PPM1G: variants seen among roughly 807,000 people sequenced by gnomAD.
The protein encoded by PPM1G is protein phosphatase, Mg2+/Mn2+ dependent 1G.
In PPM1G, 12 loss-of-function variants were observed where a neutral mutation model predicts 59.4. The observed-to-expected ratio is 0.20, with a 90% CI of 0.13 to 0.33. The LOEUF is 0.33. Among genes scored for constraint, PPM1G ranks in the 10% least tolerant of loss-of-function variants. The pLI, the probability that PPM1G is intolerant of heterozygous loss-of-function variation, is 1.00. For missense variants in PPM1G, 392 were observed against 681.3 expected (o/e 0.58, Z 4.73); for synonymous variants, 245 against 251.9 (o/e 0.97, Z 0.26).
In PPM1G at chr2:27,385,858, C is replaced by T; in HGVS notation, c.298G>A (p.Ala100Thr). The stretch of plus-strand genomic sequence containing the variant: ...TCAGTGGTCAATTTGGCGTCAATAG[C>T]CAAGAAGGCATCTTCTAAAGCCTGA... Reference protein sequence around the residue: ...LQKALEDAFLAIDAKLTTEEV... With the variant: ...LQKALEDAFLTIDAKLTTEEV... The change falls in exon 4 of 10, where the codon GCT becomes ACT. Residue 100 changes from alanine (A) to threonine (T), a missense_variant. Around this residue, in one of 6 missense-constraint regions of PPM1G, gnomAD observed 68 missense variants for 145.9 expected, o/e 0.47. Transcript: ENST00000344034. The surrounding 1 kb of genome is among the most constrained non-coding windows in gnomAD (Gnocchi z 4.1). 1 of 1,613,690 alleles carries T rather than the reference C, an allele frequency of 6.2e-7. No homozygotes were observed.
At position 27,387,143 on chromosome 2, in the gene PPM1G, T is replaced by TACA. The variant is rs749128166; in HGVS notation, c.133_135dup (p.Cys45dup). 1.2e-6 allele frequency: 2 copies of TACA among 1,613,108 alleles called. No individual in the cohort carries two copies. Among genetic ancestry groups the TACA allele is most frequent in the Non-Finnish European group, 1.7e-6 (2 of 1,179,066 alleles). On this transcript the variant is annotated inframe_insertion, in exon 2 of 10. Transcript: ENST00000344034. ...GCTGTCTCACTGTCCAGCTCAGGAA[T>TACA]ACAGTTGTGAGCATCCTAGGAAAAG...
At position 27,382,326 on chromosome 2, in the gene PPM1G, CA is replaced by C; in HGVS notation, c.1332-99del. On this transcript the variant is annotated intron_variant, in intron 8 of 9. Transcript: ENST00000344034. This position sits in a 1 kb window ranked among gnomAD's most constrained non-coding sequence, Gnocchi z 4.2. The stretch of plus-strand genomic sequence containing the variant: ...TGGCCCAGGCCAGTGTAAATAACTA[CA>C]GAAATTCTCAGCTCTGCCTTAGTCT... The C allele has an allele frequency of 1.9e-6, 3 of 1,550,640 alleles. No homozygotes were observed. Among genetic ancestry groups the C allele is most frequent in the Non-Finnish European group, 2.7e-6 (3 of 1,128,296 alleles).
chr2:27,382,719 G>A lies in PPM1G; in HGVS notation c.1202-114C>T. On this transcript the variant is annotated intron_variant, in intron 7 of 9. Coordinates refer to ENST00000344034, the MANE Select transcript of PPM1G (RefSeq NM_177983.3). This position sits in a 1 kb window ranked among gnomAD's most constrained non-coding sequence, Gnocchi z 4.2. ...TCTTTACAAAGTTCCATAATCTAGT[G>A]GAATGGGGAACTGAGTCCTAAGTCC... The A allele has an allele frequency of 1.5e-6, 2 of 1,355,572 alleles. No individual in the cohort carries two copies. The highest frequency in any genetic ancestry group is 1.4e-5 in the South Asian group (1 of 73,156). 84.0% of individuals were successfully genotyped at this position (1,355,572 alleles called of 1,614,324 possible). A position where few individuals can be genotyped will look rare whatever the true frequency, so the allele number is the denominator to read the frequency against.
chr2:27,392,611 T>TGTG (rs1683942125), intron 1 of PPM1G, among the ~76,000 whole-genome samples: 1 of 102,780 alleles, frequency 9.7e-6, no homozygotes, highest in Admixed American at 1.1e-4. Context: ...ATTTTTTTTT[T>TGTG]GGGGGGGGGG....
In PPM1G at chr2:27,385,215, G is replaced by A. The variant is rs746269595; in HGVS notation, c.410-127C>T. ...ACCTCCCACTCCCAAGGTTCCTCTCGCTCAAGTCTCAGAAGAACATGCCCT... is the reference window on the plus strand; with the variant it reads ...ACCTCCCACTCCCAAGGTTCCTCTCACTCAAGTCTCAGAAGAACATGCCCT... On this transcript the variant is annotated intron_variant, in intron 4 of 9. Coordinates refer to ENST00000344034, the MANE Select transcript of PPM1G (RefSeq NM_177983.3). This position sits in a 1 kb window ranked among gnomAD's most constrained non-coding sequence, Gnocchi z 4.1. 5 of 1,094,598 alleles carry A rather than the reference G, an allele frequency of 4.6e-6. No homozygotes were observed. The highest frequency in any genetic ancestry group is 1.7e-5 in the South Asian group (1 of 59,604). 67.8% of individuals were successfully genotyped at this position (1,094,598 alleles called of 1,614,324 possible).
Position 27,386,078 on chromosome 2 carries a change from T to C in PPM1G, c.276+116A>G, listed in dbSNP as rs1683757783. 4 of 1,256,934 alleles carry C rather than the reference T, an allele frequency of 3.2e-6. No individual in the cohort carries two copies. The East Asian group carries it at 9.3e-5, about 29-fold the overall frequency. The allele number at this position is 1,256,934 out of a possible 1,614,324, so 77.9% of individuals were successfully genotyped here. A position where few individuals can be genotyped will look rare whatever the true frequency, so the allele number is the denominator to read the frequency against. ...TAAGCTCGTTTTAGGAACAGAATTC[T>C]TCAAGAGTAAATAAGCAGCAGCAGC... On this transcript the variant is annotated intron_variant, in intron 3 of 9. Coordinates refer to ENST00000344034, the MANE Select transcript of PPM1G (RefSeq NM_177983.3).
chr2:27,408,264 G>A (rs1054984554), intron 1 of PPM1G, among the ~76,000 whole-genome samples: 10 of 152,144 alleles, frequency 6.6e-5, no homozygotes, highest in Admixed American at 1.3e-4. Flanking sequence ...ACAGTATTTC[G>A]CTGTTACCTG....
chr2:27,405,646 G>A (rs950023497), intron 1 of PPM1G, among the ~76,000 whole-genome samples: 18 of 151,468 alleles, frequency 1.2e-4, no homozygotes, highest in African/African-American at 3.6e-4. Flanking sequence ...TGCCCCCCTC[G>A]GCCTCCCAAA....
rs1663469065 is a variant in PPM1G, at chr2:27,409,588, C to T, written c.-166G>A. 3.4e-6 allele frequency: 3 copies of T among 887,664 alleles called. No homozygotes were observed. Among genetic ancestry groups the T allele is most frequent in the Non-Finnish European group, 4.6e-6 (3 of 658,418 alleles). 55.0% of individuals were successfully genotyped at this position (887,664 alleles called of 1,614,324 possible). On this transcript the variant is annotated 5_prime_UTR_variant, in exon 1 of 10. Coordinates refer to ENST00000344034, the MANE Select transcript of PPM1G (RefSeq NM_177983.3). ...CCAGGAGGCGGTAACGGGACGGGAG[C>T]TGTGAGGGAGCGGAAGCGGAAACGG...
Position 27,384,581 on chromosome 2 carries a change from TAGG to T in PPM1G, c.825+89_825+91del, listed in dbSNP as rs1683716706. ...TGGGTCTTGGGGGATGATGTCAAAATAGGAGAAGGAAAGAGAGTTGAAAACTAC... is the reference window on the plus strand; with the variant it reads ...TGGGTCTTGGGGGATGATGTCAAAATAGAAGGAAAGAGAGTTGAAAACTAC... On this transcript the variant is annotated intron_variant, in intron 5 of 9. Coordinates refer to ENST00000344034, the MANE Select transcript of PPM1G (RefSeq NM_177983.3). This position sits in a 1 kb window ranked among gnomAD's most constrained non-coding sequence, Gnocchi z 4.8. The T allele has an allele frequency of 2.1e-6, 3 of 1,425,588 alleles. No homozygotes were observed. Among genetic ancestry groups the T allele is most frequent in the East Asian group, 4.6e-5 (2 of 43,640 alleles). 88.3% of individuals were successfully genotyped at this position (1,425,588 alleles called of 1,614,324 possible). A position where few individuals can be genotyped will look rare whatever the true frequency, so the allele number is the denominator to read the frequency against.
At chr2:27,393,431 G>T in intron 1 of PPM1G, 4 of 1,023,652 alleles carry the variant, frequency 3.9e-6, no homozygotes, top group Admixed American at 2.0e-5. Flanking sequence ...GAGCTGCGGC[G>T]GGGGCCTTGG....
At position 27,387,080 on chromosome 2, in the gene PPM1G, TAA is replaced by T. The variant is rs776801727; in HGVS notation, c.190+7_190+8del. On this transcript the variant is annotated splice_region_variant and intron_variant, in intron 2 of 9. Coordinates refer to ENST00000344034, the MANE Select transcript of PPM1G (RefSeq NM_177983.3). ...CTAGAATGTTACCAATATGATCTGT[TAA>T]AGTTACCTCCATGTCCATCGTAGAC... 1.2e-6 allele frequency: 2 copies of T among 1,603,562 alleles called. No individual in the cohort carries two copies. Among genetic ancestry groups the T allele is most frequent in the African/African-American group, 1.3e-5 (1 of 74,646 alleles).
intron 1 of PPM1G, among the ~76,000 whole-genome samples, chr2:27,394,903 A>G (rs1221394222): frequency 2.6e-5 from 4 of 151,842 alleles, no homozygotes; most frequent in African/African-American, 9.7e-5. Flanking sequence ...ACTACCTCAT[A>G]CCCATTAGAA....
Position 27,385,838 on chromosome 2 carries a change from G to T in PPM1G, c.318C>A (p.Thr106=), listed in dbSNP as rs1384045037. Residue 106 remains threonine, a synonymous_variant, in exon 4 of 10, where the codon ACC becomes ACA. Transcript: ENST00000344034. The surrounding 1 kb of genome is among the most constrained non-coding windows in gnomAD (Gnocchi z 4.1). ...DAFLAIDAKL[T]TEEVIKELAQ... is the part of the protein sequence containing the mutation. ...CCAGCTCTTTAATGACTTCTTCAGT[G>T]GTCAATTTGGCGTCAATAGCCAAGA... The T allele has an allele frequency of 3.7e-6, 6 of 1,613,770 alleles. No individual in the cohort carries two copies. Among genetic ancestry groups the T allele is most frequent in the Non-Finnish European group, 5.1e-6 (6 of 1,179,926 alleles).
rs1273562067 is a variant in PPM1G at position 27,382,013 on chromosome 2, C to T, written c.1434+113G>A. 3.5e-6 allele frequency: 4 copies of T among 1,142,772 alleles called. No homozygotes were observed. Among genetic ancestry groups the T allele is most frequent in the Non-Finnish European group, 5.2e-6 (4 of 776,134 alleles). The allele number at this position is 1,142,772 out of a possible 1,614,324, so 70.8% of individuals were successfully genotyped here. ...GTGGAACTTTGGAGTCGGGGTTTAG[C>T]GTCTGTCAGCAATTACTGATAATGC... On this transcript the variant is annotated intron_variant, in intron 9 of 9. Transcript: ENST00000344034. The surrounding 1 kb of genome is among the most constrained non-coding windows in gnomAD (Gnocchi z 4.2).
rs748549956 is a variant in PPM1G, at chr2:27,390,643, G to GT, written c.121-3486dup. The stretch of plus-strand genomic sequence containing the variant: ...AGATTAAACAGTACAAACCATGTCA[G>GT]TTTTTTTTTTATTTTTCAATGTTTA... On this transcript the variant is annotated intron_variant, in intron 1 of 9. Coordinates refer to ENST00000344034, the MANE Select transcript of PPM1G (RefSeq NM_177983.3). Among the ~76,000 whole-genome samples, 167 of 149,666 alleles carry GT rather than the reference G, an allele frequency of 1.1e-3. 2 individuals carry two copies. The highest frequency in any genetic ancestry group is 3.5e-3 in the African/African-American group (143 of 40,876).
Position 27,409,294 on chromosome 2 carries a change from C to A in PPM1G, c.120+9G>T, listed in dbSNP as rs747445986. ...GCAGCGGCCAGCCTATGGGCCCCTG[C>A]CTCCTCACCTCCATGGAGACGCGCC... is the stretch of plus-strand genomic sequence containing the variant. On this transcript the variant is annotated intron_variant, in intron 1 of 9. Coordinates refer to ENST00000344034, the MANE Select transcript of PPM1G (RefSeq NM_177983.3). The A allele has an allele frequency of 1.3e-6, 2 of 1,553,240 alleles. No individual in the cohort carries two copies. The highest frequency in any genetic ancestry group is 1.2e-5 in the South Asian group (1 of 84,680).
Position 27,382,715 on chromosome 2 carries a change from T to A in PPM1G, c.1202-110A>T. On this transcript the variant is annotated intron_variant, in intron 7 of 9. Transcript: ENST00000344034. The surrounding 1 kb of genome is among the most constrained non-coding windows in gnomAD (Gnocchi z 4.2). ...CCCTTCTTTACAAAGTTCCATAATC[T>A]AGTGGAATGGGGAACTGAGTCCTAA... is the stretch of plus-strand genomic sequence containing the variant. 7.2e-7 allele frequency: 1 copy of A among 1,384,656 alleles called. No individual in the cohort carries two copies. Among genetic ancestry groups the A allele is most frequent in the Non-Finnish European group, 1.0e-6 (1 of 1,002,602 alleles). The allele number at this position is 1,384,656 out of a possible 1,614,324, so 85.8% of individuals were successfully genotyped here.
In PPM1G at chr2:27,382,316, T is replaced by G; in HGVS notation, c.1332-88A>C. On this transcript the variant is annotated intron_variant, in intron 8 of 9. Coordinates refer to ENST00000344034, the MANE Select transcript of PPM1G (RefSeq NM_177983.3). This position sits in a 1 kb window ranked among gnomAD's most constrained non-coding sequence, Gnocchi z 4.2. The stretch of plus-strand genomic sequence containing the variant: ...ACAGAGGTGGTGGCCCAGGCCAGTG[T>G]AAATAACTACAGAAATTCTCAGCTC... 6.4e-7 allele frequency: 1 copy of G among 1,555,230 alleles called. No individual in the cohort carries two copies. Among genetic ancestry groups the G allele is most frequent in the Non-Finnish European group, 8.8e-7 (1 of 1,130,312 alleles).
Sources: allele counts gnomAD v4.1 joint callset (sites outside exome capture counted in the v4.1 genomes callset), GRCh38; gene constraint gnomAD v4.1.1; regional missense constraint gnomAD v4.1.1; non-coding constraint Gnocchi (gnomAD v3.1); transcripts MANE v1.5; gene names NCBI Gene and HGNC (gene_info 2026-07-23, HGNC 2026-07-21).